PRPSAP2: variants seen among roughly 807,000 people sequenced by gnomAD.
PRPSAP2 encodes phosphoribosyl pyrophosphate synthase-associated protein 2.
In PRPSAP2, 24 loss-of-function variants were observed where a neutral mutation model predicts 40.6. The observed-to-expected ratio is 0.59, with a 90% CI of 0.43 to 0.83. The LOEUF is 0.83. Among genes scored for constraint, PRPSAP2 ranks in the 40% least tolerant of loss-of-function variants. The pLI is 0.00. For missense variants in PRPSAP2, 292 were observed against 465.6 expected (o/e 0.63, Z 3.43); for synonymous variants, 149 against 164.7 (o/e 0.90, Z 0.73).
At chr17:18,873,928 A>G (rs755871266) in intron 5 of PRPSAP2, among the ~76,000 whole-genome samples, 1 of 151,372 alleles carries the variant, frequency 6.6e-6, no homozygotes, top group Admixed American at 6.6e-5. Flanking sequence ...TCTAAGAGGT[A>G]GAGTCTTGCT....
chr17:18,893,812 A>G (rs945400748), intron 8 of PRPSAP2, among the ~76,000 whole-genome samples: 35 of 152,018 alleles, frequency 2.3e-4, no homozygotes, highest in African/African-American at 8.0e-4. Flanking sequence ...CTTGACCTCA[A>G]ATGATCATCC....
At chr17:18,914,193 A>G (rs2041149510) in intron 9 of PRPSAP2, among the ~76,000 whole-genome samples, 1 of 150,732 alleles carries the variant, frequency 6.6e-6, no homozygotes, top group Non-Finnish European at 1.5e-5. Context: ...AAAAAAAAGA[A>G]AAAAGAAAAG....
chr17:18,908,194 C>G (rs1490544016), intron 8 of PRPSAP2: 2 of 643,278 alleles, frequency 3.1e-6, no homozygotes, highest in East Asian at 2.7e-5. Flanking sequence ...TGGGAAGAAG[C>G]TCCTGCAAGA....
chr17:18,921,540 T>C (rs1420425153), intron 9 of PRPSAP2, among the ~76,000 whole-genome samples: 1 of 152,202 alleles, frequency 6.6e-6, no homozygotes, highest in Non-Finnish European at 1.5e-5. Context: ...TCATATGTCT[T>C]TCATCTCTTT....
intron 8 of PRPSAP2, among the ~76,000 whole-genome samples, chr17:18,897,564 C>T (rs1312183043): frequency 2.6e-5 from 4 of 151,958 alleles, no homozygotes; most frequent in Non-Finnish European, 4.4e-5. Flanking sequence ...CAGGTTCAAG[C>T]GATTCTCCTG....
At chr17:18,927,112 A>C (rs2042018956) in intron 10 of PRPSAP2, among the ~76,000 whole-genome samples, 1 of 152,200 alleles carries the variant, frequency 6.6e-6, no homozygotes, top group Admixed American at 6.5e-5. Context: ...CACATGGCAT[A>C]AGGCAGAAGG....
chr17:18,863,495 TTTTC>T (rs1447323433), intron 1 of PRPSAP2, among the ~76,000 whole-genome samples: 1 of 151,194 alleles, frequency 6.6e-6, no homozygotes, highest in Non-Finnish European at 1.5e-5. Context: ...TCTTTCTTTC[TTTTC>T]TTTCTTTCTT....
At chr17:18,901,382 C>T (rs927296839) in intron 8 of PRPSAP2, among the ~76,000 whole-genome samples, 3 of 151,956 alleles carry the variant, frequency 2.0e-5, no homozygotes, top group Non-Finnish European at 4.4e-5. Context: ...CTTTTAGTGT[C>T]TTCTCATTTT....
Position 18,928,885 on chromosome 17 carries a change from C to G in PRPSAP2, c.879C>G (p.Ile293Met). Residue 293 changes from isoleucine (I) to methionine (M), a missense_variant, in exon 11 of 12, where the codon ATC becomes ATG. By Grantham distance (10) the Ile-to-Met change is conservative. Coordinates refer to ENST00000268835, the MANE Select transcript of PRPSAP2 (RefSeq NM_002767.4). ...TGAAGGAAAGAGGTGCATATAAGAT[C>G]TTTGTGATGGCAACTCATGGCTTGT... ...ETLKERGAYK[I>M]FVMATHGLLS... is the part of the protein sequence containing the mutation. 2 of 1,614,142 alleles carry G rather than the reference C, an allele frequency of 1.2e-6. No homozygotes were observed. Among genetic ancestry groups the G allele is most frequent in the Non-Finnish European group, 1.7e-6 (2 of 1,180,006 alleles).
chr17:18,893,550 T>C (rs1465052000), intron 8 of PRPSAP2, among the ~76,000 whole-genome samples: 1 of 151,744 alleles, frequency 6.6e-6, no homozygotes. Flanking sequence ...AGCCCAGGAA[T>C]TTGAGACCAG....
chr17:18,857,579 A>ATT (rs2036665528), upstream of PRPSAP2, among the ~76,000 whole-genome samples: 1 of 90,602 alleles, frequency 1.1e-5, no homozygotes, highest in African/African-American at 4.3e-5. Flanking sequence ...ACGCCTGGCT[A>ATT]ATTTTTTTTT....
chr17:18,920,613 AT>A, intron 9 of PRPSAP2, among the ~76,000 whole-genome samples: 1 of 152,214 alleles, frequency 6.6e-6, no homozygotes, highest in Non-Finnish European at 1.5e-5. Flanking sequence ...AAAAGAAAGC[AT>A]TCTTCCTGTA....
intron 4 of PRPSAP2, among the ~76,000 whole-genome samples, chr17:18,871,165 G>A (rs190575197): frequency 1.3e-5 from 2 of 152,008 alleles, no homozygotes; most frequent in East Asian, 1.9e-4. Context: ...GATTATAGGT[G>A]TGTGCCACCA....
intron 7 of PRPSAP2, among the ~76,000 whole-genome samples, chr17:18,884,810 A>G (rs2039009822): frequency 6.6e-6 from 1 of 152,232 alleles, no homozygotes. Flanking sequence ...TTTTGGAAGA[A>G]ATAGAGCAGT....
intron 8 of PRPSAP2, chr17:18,904,771 G>A (rs2040479701): frequency 6.6e-6 from 1 of 152,164 alleles, no homozygotes. Context: ...TGAGTGAATA[G>A]GAAACAAAAG....
intron 11 of PRPSAP2, among the ~76,000 whole-genome samples, chr17:18,930,009 C>G (rs2042176355): frequency 6.6e-6 from 1 of 152,154 alleles, no homozygotes; most frequent in South Asian, 2.1e-4. Flanking sequence ...TTCTCTGCAT[C>G]CCTCCAGTAC....
chr17:18,861,339 C>T (rs907462172), intron 1 of PRPSAP2: 4 of 152,264 alleles, frequency 2.6e-5, no homozygotes, highest in Non-Finnish European at 4.4e-5. Context: ...TGGCGCATGC[C>T]TGTAATCCCA....
intron 8 of PRPSAP2, among the ~76,000 whole-genome samples, chr17:18,902,044 A>G (rs1002085575): frequency 6.6e-6 from 1 of 152,034 alleles, no homozygotes; most frequent in African/African-American, 2.4e-5. Context: ...TTGGCCTCCT[A>G]AAGTTCCGGG....
At chr17:18,865,703 A>G (rs1188188819) in intron 2 of PRPSAP2, 99 bp from the exon 3 acceptor site, 1 of 686,508 alleles carries the variant, frequency 1.5e-6, no homozygotes, top group Non-Finnish European at 2.0e-6. Flanking sequence ...TAGGATGGAA[A>G]CTAATTTCCT....
Sources: allele counts gnomAD v4.1 joint callset (sites outside exome capture counted in the v4.1 genomes callset), GRCh38; gene constraint gnomAD v4.1.1; transcripts MANE v1.5; gene names NCBI Gene and HGNC (gene_info 2026-07-23, HGNC 2026-07-21).